The following MELK variants were observed in gnomAD, a reference collection of about 807,000 sequenced individuals.
MELK encodes the protein maternal embryonic leucine zipper kinase, also known as pEg3 kinase.
In MELK, 81 loss-of-function variants were observed where a neutral mutation model predicts 85.0. That is an observed-to-expected ratio of 0.95 (90% confidence interval 0.80 to 1.15). The LOEUF (loss-of-function observed/expected upper bound fraction) is 1.15. Ranked by LOEUF, MELK falls within the 50% of genes most tolerant of loss-of-function variation. The pLI, the probability that MELK is intolerant of heterozygous loss-of-function variation, is 0.00. For missense variants in MELK, 754 were observed against 777.5 expected, an observed-to-expected ratio of 0.97 and a Z score of 0.36; for synonymous variants, 252 against 265.0, an observed-to-expected ratio of 0.95 and a Z score of 0.48.
At chr9:36,653,991 G>A (rs536376646) in intron 12 of MELK, among the ~76,000 whole-genome samples, 10 of 146,040 alleles carry the variant, frequency 6.8e-5, no homozygotes, top group Non-Finnish European at 1.2e-4. Context: ...TGCACTGGCT[G>A]TTGTGTAAAG....
At chr9:36,585,783 A>C (rs1207375676) in intron 3 of MELK, among the ~76,000 whole-genome samples, 2 of 152,022 alleles carry the variant, frequency 1.3e-5, no homozygotes, top group African/African-American at 4.8e-5. Context: ...AAAAAATAAA[A>C]AAAATTTAGC....
intron 7 of MELK, among the ~76,000 whole-genome samples, chr9:36,600,550 CT>C (rs943025114): frequency 4.0e-5 from 6 of 151,876 alleles, no homozygotes; most frequent in African/African-American, 1.5e-4. Context: ...CGCCTGGCTA[CT>C]TTTTTTTGTA....
rs1364583583 is a variant in MELK at position 36,633,156 on chromosome 9, A to G, written c.790A>G (p.Met264Val). The G allele has an allele frequency of 1.2e-6, 2 of 1,610,514 alleles. No homozygotes were observed. The highest frequency in any genetic ancestry group is 1.3e-5 in the African/African-American group (1 of 74,798). The change falls in exon 10 of 18, where the codon ATG becomes GTG. Residue 264 changes from methionine (M) to valine (V), a missense_variant. Physicochemically the swap from Met to Val is conservative, Grantham distance 21. Transcript: ENST00000298048. ...AAATCTATTGAACCATCCCTGGATC[A>G]TGCAAGATTACAACTATCCTGTTGA... is the stretch of plus-strand genomic sequence containing the variant. ...MKNLLNHPWIMQDYNYPVEWQ... is the reference protein window; with the variant it reads ...MKNLLNHPWIVQDYNYPVEWQ...
At chr9:36,636,331 C>T (rs142108536) in intron 10 of MELK, among the ~76,000 whole-genome samples, 7 of 151,794 alleles carry the variant, frequency 4.6e-5, no homozygotes, top group East Asian at 2.0e-4. Flanking sequence ...TGGAGAAACC[C>T]GTTTCTAGTA....
intron 17 of MELK, 33 bp from the exon 18 acceptor site, chr9:36,677,109 ATACAGAATATGGTTCTCC>A: frequency 6.6e-7 from 1 of 1,525,186 alleles, no homozygotes; most frequent in Non-Finnish European, 9.0e-7. Context: ...GAAAACTCTT[ATACAGAATATGGTTCTCC>A]TACTAACTAG....
chr9:36,639,860 A>AT (rs149698267), intron 10 of MELK, among the ~76,000 whole-genome samples: 142 of 150,188 alleles, frequency 9.5e-4, no homozygotes, highest in Middle Eastern at 3.5e-3. Context: ...TTAAAAAAAT[A>AT]TTTTTTTTTT....
At chr9:36,579,442 G>C (rs774329210) in intron 1 of MELK, among the ~76,000 whole-genome samples, 2 of 152,230 alleles carry the variant, frequency 1.3e-5, no homozygotes, top group East Asian at 1.9e-4. Context: ...GATTATAGGC[G>C]TGAGCCTCTG....
chr9:36,634,634 G>A (rs1021577365), intron 10 of MELK, among the ~76,000 whole-genome samples: 1 of 152,136 alleles, frequency 6.6e-6, no homozygotes, highest in Non-Finnish European at 1.5e-5. Flanking sequence ...TTGAACTCGG[G>A]AGGCAGAGGT....
chr9:36,670,003 G>A (rs528710869), intron 15 of MELK, among the ~76,000 whole-genome samples: 6 of 152,242 alleles, frequency 3.9e-5, no homozygotes, highest in South Asian at 4.2e-4. Context: ...GTACAAAGCT[G>A]GAGCCAGAAC....
At chr9:36,603,634 A>G (rs989770617) in intron 7 of MELK, among the ~76,000 whole-genome samples, 1 of 151,792 alleles carries the variant, frequency 6.6e-6, no homozygotes, top group Non-Finnish European at 1.5e-5. Context: ...GGGTCTTGCT[A>G]TGTTTCTGGG....
intron 9 of MELK, among the ~76,000 whole-genome samples, chr9:36,631,200 G>A (rs777628622): frequency 2.6e-5 from 4 of 151,928 alleles, no homozygotes; most frequent in East Asian, 1.9e-4. Flanking sequence ...CTGACCTCAC[G>A]TTTTCTGCCT....
chr9:36,606,856 C>T (rs940018921), intron 7 of MELK: 3 of 151,548 alleles, frequency 2.0e-5, no homozygotes, highest in African/African-American at 7.3e-5. Context: ...GTGATCTCGG[C>T]TCACTGCAAC....
At chr9:36,650,521 T>A (rs1830608477) in intron 11 of MELK, among the ~76,000 whole-genome samples, 1 of 152,108 alleles carries the variant, frequency 6.6e-6, no homozygotes, top group East Asian at 1.9e-4. Flanking sequence ...TCAAGAAGAG[T>A]ATACTACCAT....
chr9:36,634,381 G>A (rs571650139), intron 10 of MELK, among the ~76,000 whole-genome samples: 52 of 152,164 alleles, frequency 3.4e-4, no homozygotes, highest in East Asian at 1.2e-3. Flanking sequence ...TAGTTAGTCC[G>A]TGTTCTTTCT....
intron 13 of MELK, among the ~76,000 whole-genome samples, chr9:36,663,293 C>T (rs146546487): frequency 4.6e-5 from 7 of 152,130 alleles, no homozygotes; most frequent in African/African-American, 1.7e-4. Context: ...GTTGGCCAGG[C>T]TGGTCTTGTA....
intron 3 of MELK, 80 bp from the exon 4 acceptor site, chr9:36,589,456 G>C: frequency 8.5e-7 from 1 of 1,171,158 alleles, no homozygotes. Context: ...CAGCTACTTA[G>C]TATTAAAGCT....
intron 8 of MELK, among the ~76,000 whole-genome samples, chr9:36,618,401 T>C (rs1421756899): frequency 4.7e-5 from 6 of 127,262 alleles, no homozygotes; most frequent in Admixed American, 2.5e-4. Flanking sequence ...AGACAGAGGC[T>C]CCTCAAAAAA....
chr9:36,601,138 T>C (rs1376365397), intron 7 of MELK, among the ~76,000 whole-genome samples: 1 of 152,206 alleles, frequency 6.6e-6, no homozygotes, highest in Non-Finnish European at 1.5e-5. Flanking sequence ...AACCACACTT[T>C]AGTATCAAAA....
chr9:36,577,470 C>T (rs990373310), intron 1 of MELK, among the ~76,000 whole-genome samples: 5 of 151,960 alleles, frequency 3.3e-5, no homozygotes, highest in South Asian at 2.1e-4. Flanking sequence ...GAGCTGAGAT[C>T]GCACTACTGC....
Sources: gnomAD v4.1 joint callset for allele counts (sites outside exome capture counted in the v4.1 genomes callset) on GRCh38, gnomAD v4.1.1 for gene constraint, MANE v1.5 for transcripts, NCBI Gene and HGNC (gene_info 2026-07-23, HGNC 2026-07-21) for gene names.